CCDC180: variants seen among roughly 807,000 people sequenced by gnomAD.
CCDC180 encodes coiled-coil domain-containing protein 180.
In CCDC180, 154 loss-of-function variants were observed where a neutral mutation model predicts 209.2. The ratio of observed to expected loss-of-function variants is 0.74; its 90% CI spans 0.65 to 0.84. CCDC180 has a LOEUF of 0.84. Ranked by LOEUF, CCDC180 falls within the 40% of genes least tolerant of loss-of-function variation. The pLI is 0.00. For synonymous variants in CCDC180, 778 were observed against 749.1 expected (o/e 1.04, Z -0.63); for missense variants, 1,874 against 1,997.3 (o/e 0.94, Z 1.18).
chr9:97,362,116 C>G, intron 27 of CCDC180, 80 bp from the exon 28 acceptor site: 1 of 1,540,132 alleles, frequency 6.5e-7, no homozygotes, highest in Non-Finnish European at 8.8e-7. Flanking sequence ...TGAGGACTAA[C>G]TGGGATGCTG....
chr9:97,330,044 G>A (rs2118682028), intron 16 of CCDC180, 110 bp from the exon 17 acceptor site: 2 of 934,642 alleles, frequency 2.1e-6, no homozygotes, highest in Non-Finnish European at 3.3e-6. Context: ...CTCCAGCCTT[G>A]GCAACAGAGC....
intron 4 of CCDC180, 107 bp from the exon 5 acceptor site, chr9:97,313,129 G>A: frequency 1.4e-6 from 1 of 707,800 alleles, no homozygotes; most frequent in Non-Finnish European, 2.6e-6. Context: ...CCTGGCTCTG[G>A]GGTCTACCTT....
At chr9:97,331,430 A>G (rs1338988634) in intron 18 of CCDC180, among the ~76,000 whole-genome samples, 1 of 152,176 alleles carries the variant, frequency 6.6e-6, no homozygotes, top group African/African-American at 2.4e-5. Flanking sequence ...TCCTTTGGGT[A>G]TATACACAAT....
At chr9:97,360,759 C>T (rs563628690) in intron 26 of CCDC180, among the ~76,000 whole-genome samples, 5 of 152,196 alleles carry the variant, frequency 3.3e-5, no homozygotes, top group African/African-American at 9.7e-5. Context: ...CTTCCCCACA[C>T]GATGGGGTCT....
At chr9:97,322,949 A>C in intron 12 of CCDC180, 28 bp downstream of exon 12, 1 of 1,597,878 alleles carries the variant, frequency 6.3e-7, no homozygotes, top group African/African-American at 1.3e-5. Context: ...AGGCCTGAGA[A>C]GAGGAATCCT....
chr9:97,365,875 C>G, intron 30 of CCDC180, 136 bp downstream of exon 30: 3 of 703,784 alleles, frequency 4.3e-6, no homozygotes, highest in Non-Finnish European at 7.3e-6. Flanking sequence ...TCCCCAGCTT[C>G]TGTCACCTCC....
rs781649133 is a variant in CCDC180, at chr9:97,325,118, G to A, written c.1471G>A (p.Glu491Lys). The A allele has an allele frequency of 3.0e-5, 48 of 1,613,358 alleles. No homozygotes were observed. Among genetic ancestry groups the A allele is most frequent in the Middle Eastern group, 1.6e-4 (1 of 6,078 alleles). Reference protein sequence around the residue: ...VVQLWEAHQSELLVQELELEK... With the variant: ...VVQLWEAHQSKLLVQELELEK... ...ACAACTGTGGGAGGCACACCAGAGCGAGCTGTTGGTGCAGGAGCTGGAGCT... is the reference window on the plus strand; with the variant it reads ...ACAACTGTGGGAGGCACACCAGAGCAAGCTGTTGGTGCAGGAGCTGGAGCT... The change falls in exon 14 of 37, where the codon GAG becomes AAG. Residue 491 changes from glutamate to lysine, a missense_variant. Physicochemically the swap from Glu to Lys is moderately conservative, Grantham distance 56. Coordinates refer to ENST00000529487, the MANE Select transcript of CCDC180 (RefSeq NM_020893.6).
chr9:97,374,512 C>T (rs1827187497), intron 34 of CCDC180, 31 bp from the exon 35 acceptor site: 10 of 1,545,502 alleles, frequency 6.5e-6, no homozygotes, highest in African/African-American at 1.4e-5. Context: ...GTCGGTGAGG[C>T]TGCAGTCACT....
chr9:97,328,092 C>T lies in CCDC180; in HGVS notation c.1734C>T (p.Asn578=). The T allele has an allele frequency of 6.2e-7, 1 of 1,614,120 alleles. No homozygotes were observed. Among genetic ancestry groups the T allele is most frequent in the Non-Finnish European group, 8.5e-7 (1 of 1,179,978 alleles). ...EYPAIMLKEL[N]SYSSALSQYF... ...CAGCGATCATGCTGAAAGAACTCAA[C>T]TCCTACAGCTCTGCCCTCAGCCAAT... Residue 578 remains asparagine (N), a synonymous_variant, in exon 16 of 37, where the codon AAC becomes AAT. Transcript: ENST00000529487.
At chr9:97,318,326 G>A in intron 9 of CCDC180, 137 bp from the exon 10 acceptor site, 1 of 1,032,520 alleles carries the variant, frequency 9.7e-7, no homozygotes, top group Non-Finnish European at 1.4e-6. Flanking sequence ...GCAAAGTCTG[G>A]GGAGGAAGGG....
At chr9:97,323,224 T>C (rs1031501218) in intron 12 of CCDC180, among the ~76,000 whole-genome samples, 3 of 152,116 alleles carry the variant, frequency 2.0e-5, no homozygotes, top group African/African-American at 7.2e-5. Context: ...AGGAAGCCCA[T>C]GTAAGATGAA....
chr9:97,338,086 A>G (rs1411863492), intron 18 of CCDC180, among the ~76,000 whole-genome samples: 2 of 151,962 alleles, frequency 1.3e-5, no homozygotes, highest in African/African-American at 4.8e-5. Context: ...AGGTCTGCCA[A>G]TTTTGTTGAT....
intron 1 of CCDC180, 70 bp downstream of exon 1, chr9:97,307,876 G>T: frequency 6.2e-7 from 1 of 1,604,596 alleles, no homozygotes; most frequent in Non-Finnish European, 8.5e-7. Context: ...CCCCCCAGCA[G>T]AGAGTCCTTC....
rs1825903178 is a variant in CCDC180, at chr9:97,336,337, G to A, written c.2274+5570G>A. Among the ~76,000 whole-genome samples, 7 of 152,074 alleles carry A rather than the reference G, an allele frequency of 4.6e-5. No homozygotes were observed. In the South Asian group the frequency reaches 1.4e-3, roughly 31 times the overall value. ...TTTAATCCATCTTGAATTAATTTTT[G>A]TGTAAGGTGTAAGGAAGGGATCCAG... is the stretch of plus-strand genomic sequence containing the variant. On this transcript the variant is annotated intron_variant, in intron 18 of 36. Transcript: ENST00000529487.
At chr9:97,320,420 ATGACCCC>A (rs1373190552) in intron 11 of CCDC180, among the ~76,000 whole-genome samples, 12 of 152,132 alleles carry the variant, frequency 7.9e-5, no homozygotes, top group Non-Finnish European at 1.6e-4. Flanking sequence ...GCCGCACCCT[ATGACCCC>A]TGACCCCTGA....
chr9:97,312,556 T>G (rs1264849056), intron 4 of CCDC180, among the ~76,000 whole-genome samples: 1 of 152,150 alleles, frequency 6.6e-6, no homozygotes, highest in African/African-American at 2.4e-5. Context: ...ATAGAAACCT[T>G]TTTTCTTTAT....
intron 36 of CCDC180, 157 bp from the exon 37 acceptor site, chr9:97,376,605 AG>A: frequency 1.4e-6 from 1 of 709,614 alleles, no homozygotes; most frequent in Non-Finnish European, 2.3e-6. Flanking sequence ...GAAAACAACT[AG>A]GACTACCTGG....
Position 97,366,577 on chromosome 9 carries a change from A to G in CCDC180, c.4066A>G (p.Lys1356Glu), listed in dbSNP as rs775420238. Residue 1356 changes from lysine to glutamate, a missense_variant, in exon 31 of 37, where the codon AAA (lysine) becomes GAA (glutamate). By Grantham distance (56) the Lys-to-Glu change is moderately conservative. Transcript: ENST00000529487. The surrounding 1 kb of genome is among the most constrained non-coding windows in gnomAD (Gnocchi z 4.3). Reference protein sequence around the residue: ...TVAEEFYRKEKRPVTRPDCMC... With the variant: ...TVAEEFYRKEERPVTRPDCMC... ...CTGGCAGGAGTTCTACCGTAAAGAA[A>G]AACGCCCAGTCACCAGGCCTGACTG... 3 of 1,614,030 alleles carry G rather than the reference A, an allele frequency of 1.9e-6. No homozygotes were observed. The highest frequency in any genetic ancestry group is 1.1e-5 in the South Asian group (1 of 91,084).
chr9:97,333,852 A>T (rs1825825037), intron 18 of CCDC180, among the ~76,000 whole-genome samples: 1 of 150,386 alleles, frequency 6.6e-6, no homozygotes. Context: ...ATGGAGTCTC[A>T]CTCTGTCACT....
Sources: allele counts gnomAD v4.1 joint callset (sites outside exome capture counted in the v4.1 genomes callset), GRCh38; gene constraint gnomAD v4.1.1; non-coding constraint Gnocchi (gnomAD v3.1); transcripts MANE v1.5; gene names NCBI Gene and HGNC (gene_info 2026-07-23, HGNC 2026-07-21).